Variants in ADCY8 observed in about 807,000 individuals in gnomAD.
ADCY8 encodes the protein adenylate cyclase type 8.
A neutral mutation model predicts 119.7 loss-of-function variants in ADCY8; 51 were observed. The observed-to-expected ratio is 0.43, with a 90% CI of 0.34 to 0.54. The LOEUF (loss-of-function observed/expected upper bound fraction) is 0.54, where lower values mean the gene tolerates loss of function less well. Ranked by LOEUF, ADCY8 falls within the 20% of genes least tolerant of loss-of-function variation. The pLI is 0.03. For synonymous variants in ADCY8, 665 were observed against 651.0 expected (o/e 1.02, Z -0.33); for missense variants, 1,383 against 1,598.8 (o/e 0.87, Z 2.30).
At chr8:130,952,070 G>T in intron 2 of ADCY8, 72 bp from the exon 3 acceptor site, 3 of 1,569,958 alleles carry the variant, frequency 1.9e-6, no homozygotes, top group Non-Finnish European at 8.7e-7. Context: ...GGAGGGTGGA[G>T]AAGTCATGGG....
intron 17 of ADCY8, among the ~76,000 whole-genome samples, chr8:130,781,952 T>C (rs867933558): frequency 6.6e-6 from 1 of 152,086 alleles, no homozygotes; most frequent in African/African-American, 2.4e-5. Flanking sequence ...ACAGCCCTGG[T>C]CCCCATGGAA....
At chr8:131,007,451 G>T (rs1823156972) in intron 1 of ADCY8, among the ~76,000 whole-genome samples, 1 of 152,144 alleles carries the variant, frequency 6.6e-6, no homozygotes, top group Non-Finnish European at 1.5e-5. Flanking sequence ...ATATATAGTA[G>T]TGGAGGCCAT....
Position 130,902,611 on chromosome 8 carries a change from T to C in ADCY8, c.1911+1161A>G, listed in dbSNP as rs181840252. ...AGTCTCAGAGTGCCCCATCAAACTT[T>C]CAAATGCAGAAAAAAGAGGGGAGAC... On this transcript the variant is annotated intron_variant, in intron 7 of 17. Coordinates refer to ENST00000286355, the MANE Select transcript of ADCY8 (RefSeq NM_001115.3). 2.0e-5 allele frequency among the ~76,000 whole-genome samples: 3 copies of C among 152,298 alleles called. No individual in the cohort carries two copies. The East Asian group carries it at 5.8e-4, about 29-fold the overall frequency.
At chr8:130,854,392 T>C (rs574283250) in intron 9 of ADCY8, among the ~76,000 whole-genome samples, 2 of 152,352 alleles carry the variant, frequency 1.3e-5, no homozygotes, top group Non-Finnish European at 2.9e-5. Context: ...GTATTGATAT[T>C]GTGATTTGAC....
At chr8:130,848,589 C>T (rs913386508) in intron 10 of ADCY8, among the ~76,000 whole-genome samples, 1 of 152,188 alleles carries the variant, frequency 6.6e-6, no homozygotes, top group African/African-American at 2.4e-5. Flanking sequence ...CACAGGCCAA[C>T]AATTGTGGGA....
At chr8:130,945,454 T>G (rs955471516) in intron 3 of ADCY8, among the ~76,000 whole-genome samples, 1 of 152,222 alleles carries the variant, frequency 6.6e-6, no homozygotes, top group Non-Finnish European at 1.5e-5. Flanking sequence ...GTTCAAATCT[T>G]AGCTCACCAC....
At chr8:130,799,643 T>A (rs915894655) in intron 15 of ADCY8, among the ~76,000 whole-genome samples, 2 of 152,228 alleles carry the variant, frequency 1.3e-5, no homozygotes, top group African/African-American at 4.8e-5. Flanking sequence ...GGAGGCTAGG[T>A]ACCCCTACCA....
chr8:130,789,354 G>A (rs1451977874), intron 15 of ADCY8, among the ~76,000 whole-genome samples: 2 of 152,122 alleles, frequency 1.3e-5, no homozygotes, highest in Non-Finnish European at 1.5e-5. Context: ...CTTCGTGGGT[G>A]CCTCTCTCTG....
At chr8:130,934,801 T>C (rs1820736961) in intron 5 of ADCY8, among the ~76,000 whole-genome samples, 1 of 152,130 alleles carries the variant, frequency 6.6e-6, no homozygotes, top group Non-Finnish European at 1.5e-5. Context: ...AGAGAGGACA[T>C]CTTGGGTCTC....
At chr8:130,785,767 C>T (rs912147877) in intron 15 of ADCY8, among the ~76,000 whole-genome samples, 29 of 152,310 alleles carry the variant, frequency 1.9e-4, no homozygotes, top group African/African-American at 7.0e-4. Flanking sequence ...CCTCCTATGG[C>T]TTTCTGTTTT....
At chr8:130,917,506 G>T (rs1160612254) in intron 5 of ADCY8, among the ~76,000 whole-genome samples, 4 of 152,178 alleles carry the variant, frequency 2.6e-5, no homozygotes, top group Non-Finnish European at 4.4e-5. Context: ...ACATTCAAAA[G>T]CAGGGTGGAT....
intron 1 of ADCY8, among the ~76,000 whole-genome samples, chr8:130,991,786 C>T (rs1053122994): frequency 4.6e-5 from 7 of 152,086 alleles, no homozygotes; most frequent in East Asian, 3.9e-4. Flanking sequence ...ATCAGCAGGT[C>T]GAGATTATAA....
rs569098926 is a variant in ADCY8, at chr8:130,883,636, A to G, written c.2109+928T>C. Reference sequence around the variant, plus strand: ...GGAGCTTTACAGAGTATTGAATCAAACTCCTGAAATTTGCTTGTAGATTCC... The same window carrying G: ...GGAGCTTTACAGAGTATTGAATCAAGCTCCTGAAATTTGCTTGTAGATTCC... On this transcript the variant is annotated intron_variant, in intron 8 of 17. Transcript: ENST00000286355. Among the ~76,000 whole-genome samples the G allele has an allele frequency of 2.0e-5, 3 of 152,170 alleles. No homozygotes were observed. The South Asian group carries it at 6.2e-4, about 32-fold the overall frequency.
intron 6 of ADCY8, among the ~76,000 whole-genome samples, chr8:130,906,545 T>C (rs1819792657): frequency 1.3e-5 from 2 of 152,312 alleles, no homozygotes; most frequent in Admixed American, 6.5e-5. Context: ...TGCACTTAAA[T>C]GTTTTGGTAG....
At chr8:130,950,596 T>C (rs1266306854) in intron 3 of ADCY8, among the ~76,000 whole-genome samples, 2 of 152,258 alleles carry the variant, frequency 1.3e-5, no homozygotes, top group African/African-American at 4.8e-5. Flanking sequence ...ATTTTGCCTA[T>C]GCCTTTCACT....
intron 4 of ADCY8, 30 bp from the exon 5 acceptor site, chr8:130,937,230 C>T: frequency 6.2e-7 from 1 of 1,603,010 alleles, no homozygotes; most frequent in Non-Finnish European, 8.5e-7. Flanking sequence ...AGGGAAAGGT[C>T]TATGTCAGCA....
intron 13 of ADCY8, among the ~76,000 whole-genome samples, chr8:130,815,384 C>T (rs191736): frequency 0.56 from 85,030 of 152,096 alleles, 24,010 homozygotes; most frequent in South Asian, 0.65. Context: ...TTTGATGGCT[C>T]ATTAAATAAG....
At chr8:130,992,184 A>G (rs1208361201) in intron 1 of ADCY8, among the ~76,000 whole-genome samples, 21 of 150,006 alleles carry the variant, frequency 1.4e-4, no homozygotes, top group Admixed American at 8.0e-4. Flanking sequence ...GGTTCAAGTG[A>G]TTCTCCTGCC....
Position 130,849,924 on chromosome 8 carries a change from T to A in ADCY8, c.2211-121A>T, listed in dbSNP as rs986896622. 2.7e-5 allele frequency: 27 copies of A among 1,014,370 alleles called. No homozygotes were observed. The African/African-American group carries it at 4.4e-4, about 17-fold the overall frequency. 62.8% of individuals were successfully genotyped at this position (1,014,370 alleles called of 1,614,324 possible). ...GATACTTCTTTGAAAGTTCTGTTTG[T>A]CCAAGAAAAAGGTTATTAGCAGGAG... On this transcript the variant is annotated intron_variant, in intron 9 of 17. Transcript: ENST00000286355.
Sources: gnomAD v4.1 joint callset for allele counts (sites outside exome capture counted in the v4.1 genomes callset) on GRCh38, gnomAD v4.1.1 for gene constraint, MANE v1.5 for transcripts, NCBI Gene and HGNC (gene_info 2026-07-23, HGNC 2026-07-21) for gene names.